Variants in ELAPOR2 observed in about 807,000 individuals in gnomAD.
ELAPOR2 encodes the protein endosome-lysosome associated apoptosis and autophagy regulator family member 2.
In ELAPOR2, 89 loss-of-function variants were observed where a neutral mutation model predicts 120.7. That is an observed-to-expected ratio of 0.74 (90% CI 0.62 to 0.88). The LOEUF is 0.88. Among genes scored for constraint, ELAPOR2 ranks in the 40% least tolerant of loss-of-function variants. The probability of loss-of-function intolerance (pLI) is 0.00; values close to 1 mark genes in which losing one functional copy is unlikely to be tolerated. For synonymous variants in ELAPOR2, 444 were observed against 444.9 expected (o/e 1.00, Z 0.03); for missense variants, 1,134 against 1,251.6 (o/e 0.91, Z 1.42).
intron 1 of ELAPOR2, among the ~76,000 whole-genome samples, chr7:87,018,607 T>C (rs551766153): frequency 6.6e-6 from 1 of 152,314 alleles, no homozygotes; most frequent in East Asian, 1.9e-4. Context: ...ACTTATTTGA[T>C]GAATGAGGAT....
chr7:86,884,290 C>T (rs957081574), intron 21 of ELAPOR2, among the ~76,000 whole-genome samples: 1 of 152,114 alleles, frequency 6.6e-6, no homozygotes, highest in African/African-American at 2.4e-5. Context: ...GTTCACCTGC[C>T]TCAACAGTGC....
chr7:87,017,466 T>G (rs1793906996), intron 1 of ELAPOR2, among the ~76,000 whole-genome samples: 1 of 152,204 alleles, frequency 6.6e-6, no homozygotes, highest in Non-Finnish European at 1.5e-5. Context: ...AAATGAATTT[T>G]TATTAAATGC....
chr7:86,897,287 A>G (rs1788479602), intron 19 of ELAPOR2, among the ~76,000 whole-genome samples: 3 of 151,912 alleles, frequency 2.0e-5, no homozygotes, highest in Non-Finnish European at 4.4e-5. Flanking sequence ...AAAGCCTGTG[A>G]CTCCCTTATC....
rs1789410255 is a variant in ELAPOR2, at chr7:86,913,283, A to C, written c.1732-79T>G. 3.6e-6 allele frequency: 5 copies of C among 1,391,190 alleles called. No individual in the cohort carries two copies. In the Admixed American group the frequency reaches 9.2e-5, roughly 25 times the overall value. 86.2% of individuals were successfully genotyped at this position (1,391,190 alleles called of 1,614,324 possible). A position where few individuals can be genotyped will look rare whatever the true frequency, so the allele number is the denominator to read the frequency against. ...CCAGATTATGTCTTCTGTTGACATC[A>C]TCAAAATAACTAAATAGAGTGTTCC... On this transcript the variant is annotated intron_variant, in intron 13 of 21. Transcript: ENST00000450689.
intron 18 of ELAPOR2, among the ~76,000 whole-genome samples, chr7:86,901,469 G>T (rs1307898135): frequency 1.3e-5 from 2 of 152,114 alleles, no homozygotes; most frequent in Non-Finnish European, 2.9e-5. Flanking sequence ...TCATGGAGAA[G>T]AATCTTTTCT....
At chr7:87,052,776 C>CTTTTGTTTTCTTTTGTTTTGTTTTG (rs1554411511) in intron 1 of ELAPOR2, among the ~76,000 whole-genome samples, 1 of 146,994 alleles carries the variant, frequency 6.8e-6, no homozygotes, top group Non-Finnish European at 1.5e-5. Flanking sequence ...GGTTTGTTTT[C>CTTTTGTTTTCTTTTGTTTTGTTTTG]TTTTGTTTTG....
At chr7:86,951,521 T>C (rs1791244810) in intron 2 of ELAPOR2, among the ~76,000 whole-genome samples, 2 of 152,216 alleles carry the variant, frequency 1.3e-5, no homozygotes, top group South Asian at 4.1e-4. Context: ...AGTGTTTCCA[T>C]GAAGTCAGAA....
chr7:87,054,388 C>G (rs1366699856), intron 1 of ELAPOR2, among the ~76,000 whole-genome samples: 3 of 152,192 alleles, frequency 2.0e-5, no homozygotes, highest in Non-Finnish European at 2.9e-5. Context: ...TGAATACTTG[C>G]TCGCATTTGC....
intron 8 of ELAPOR2, among the ~76,000 whole-genome samples, chr7:86,932,250 T>C (rs981592771): frequency 1.1e-4 from 16 of 151,922 alleles, no homozygotes; most frequent in African/African-American, 3.1e-4. Flanking sequence ...CCAAGAATAT[T>C]AGCATTACAC....
intron 8 of ELAPOR2, among the ~76,000 whole-genome samples, chr7:86,932,125 T>C (rs1790356067): frequency 6.6e-6 from 1 of 151,898 alleles, no homozygotes; most frequent in Admixed American, 6.6e-5. Context: ...TTCCGAAGCT[T>C]CAGTCAGTGT....
chr7:86,919,344 A>T, intron 10 of ELAPOR2, 34 bp from the exon 11 acceptor site: 1 of 1,284,610 alleles, frequency 7.8e-7, no homozygotes, highest in African/African-American at 1.5e-5. Flanking sequence ...TATTAATAAA[A>T]ATTCCATTAA....
rs556612569 is a variant in ELAPOR2 at position 87,054,984 on chromosome 7, C to A, written c.189+4341G>T. Among the ~76,000 whole-genome samples, 4 of 152,336 alleles carry A rather than the reference C, an allele frequency of 2.6e-5. No homozygotes were observed. In the East Asian group the frequency reaches 5.8e-4, roughly 22 times the overall value. ...CTACATGTCTCCTTTGTGAACTCCT[C>A]GGTTTCTGTCCCCTTTCATGTAGGT... On this transcript the variant is annotated intron_variant, in intron 1 of 21. Transcript: ENST00000450689.
intron 1 of ELAPOR2, among the ~76,000 whole-genome samples, chr7:86,992,129 T>TG (rs1365268887): frequency 2.6e-5 from 4 of 152,188 alleles, no homozygotes; most frequent in Non-Finnish European, 5.9e-5. Context: ...GGAAGCTGAT[T>TG]TTTTTATGGC....
chr7:86,896,098 T>C (rs1788424706), intron 19 of ELAPOR2, among the ~76,000 whole-genome samples: 1 of 152,120 alleles, frequency 6.6e-6, no homozygotes, highest in Admixed American at 6.6e-5. Context: ...GGATACACAT[T>C]TGACAAATTA....
intron 3 of ELAPOR2, among the ~76,000 whole-genome samples, chr7:86,945,870 G>T (rs1790977550): frequency 6.6e-6 from 1 of 151,848 alleles, no homozygotes; most frequent in South Asian, 2.1e-4. Flanking sequence ...AACAAAAAAG[G>T]CAAAAACCAC....
At chr7:86,927,220 T>G (rs1790116643) in intron 8 of ELAPOR2, among the ~76,000 whole-genome samples, 1 of 152,004 alleles carries the variant, frequency 6.6e-6, no homozygotes, top group Non-Finnish European at 1.5e-5. Flanking sequence ...CTTCTATCCA[T>G]TCATTTACTT....
intron 10 of ELAPOR2, among the ~76,000 whole-genome samples, chr7:86,922,022 C>T (rs1789855346): frequency 6.6e-6 from 1 of 152,004 alleles, no homozygotes; most frequent in Non-Finnish European, 1.5e-5. Context: ...ATAATTTTGA[C>T]ATGTCATCAA....
chr7:86,938,061 G>A, intron 8 of ELAPOR2, 65 bp downstream of exon 8: 1 of 1,190,178 alleles, frequency 8.4e-7, no homozygotes, highest in Non-Finnish European at 1.2e-6. Flanking sequence ...ACAAATTAGA[G>A]TCTGCTCAAA....
chr7:86,921,821 G>A (rs1182988013), intron 10 of ELAPOR2, among the ~76,000 whole-genome samples: 3 of 152,006 alleles, frequency 2.0e-5, no homozygotes, highest in Non-Finnish European at 2.9e-5. Context: ...GGACAATGGC[G>A]TCAAAGGGAA....
Sources: allele counts gnomAD v4.1 joint callset (sites outside exome capture counted in the v4.1 genomes callset), GRCh38; gene constraint gnomAD v4.1.1; transcripts MANE v1.5; gene names NCBI Gene and HGNC (gene_info 2026-07-23, HGNC 2026-07-21).